The following MARCHF1 variants were observed in gnomAD, a reference collection of about 807,000 sequenced individuals.
The protein encoded by MARCHF1 is E3 ubiquitin-protein ligase MARCHF1.
In MARCHF1, 40 loss-of-function variants were observed where a neutral mutation model predicts 54.2. The observed-to-expected ratio is 0.74, with a 90% CI of 0.57 to 0.96. The LOEUF (loss-of-function observed/expected upper bound fraction) is 0.96. MARCHF1 is among the 40% of genes least tolerant of loss of function. The pLI is 0.00. For missense variants in MARCHF1, 586 were observed against 656.5 expected, an observed-to-expected ratio of 0.89 and a Z score of 1.17; for synonymous variants, 236 against 236.3, an observed-to-expected ratio of 1.00 and a Z score of 0.01.
chr4:164,159,068 T>C (rs998072134), intron 1 of MARCHF1, among the ~76,000 whole-genome samples: 4 of 152,184 alleles, frequency 2.6e-5, no homozygotes, highest in African/African-American at 9.6e-5. Flanking sequence ...TAGACAAACT[T>C]TTCTATTTCA....
intron 3 of MARCHF1, among the ~76,000 whole-genome samples, chr4:163,886,160 AATAG>A (rs1750527461): frequency 6.7e-6 from 1 of 149,958 alleles, no homozygotes. Flanking sequence ...TAGATCTATA[AATAG>A]ATCTATATAT....
chr4:164,018,537 C>T (rs1753594347), intron 2 of MARCHF1, among the ~76,000 whole-genome samples: 1 of 151,902 alleles, frequency 6.6e-6, no homozygotes, highest in African/African-American at 2.4e-5. Flanking sequence ...ATGAATGTTT[C>T]ATCAAAGAAG....
At chr4:164,146,556 A>C (rs1402790094) in intron 1 of MARCHF1, among the ~76,000 whole-genome samples, 2 of 152,088 alleles carry the variant, frequency 1.3e-5, no homozygotes, top group African/African-American at 4.8e-5. Flanking sequence ...AAACCTGAGA[A>C]AAACAAGCAA....
At chr4:163,926,155 C>T (rs890008639) in intron 3 of MARCHF1, among the ~76,000 whole-genome samples, 36 of 151,590 alleles carry the variant, frequency 2.4e-4, no homozygotes, top group Admixed American at 1.3e-4. Context: ...CAGTTAACAA[C>T]CTCCTTTGTC....
At chr4:164,184,212 C>T (rs182581134) in intron 1 of MARCHF1, among the ~76,000 whole-genome samples, 4 of 152,206 alleles carry the variant, frequency 2.6e-5, no homozygotes, top group South Asian at 2.1e-4. Context: ...AACTTTTTCC[C>T]GATATAATTC....
At chr4:164,335,543 C>G (rs1729711149) in intron 1 of MARCHF1, among the ~76,000 whole-genome samples, 1 of 150,892 alleles carries the variant, frequency 6.6e-6, no homozygotes, top group African/African-American at 2.4e-5. Flanking sequence ...GATTGTGCCA[C>G]TGCACTCCAG....
intron 2 of MARCHF1, among the ~76,000 whole-genome samples, chr4:164,052,708 GA>G (rs1338189942): frequency 6.6e-6 from 1 of 152,156 alleles, no homozygotes; most frequent in Non-Finnish European, 1.5e-5. Context: ...AAGAAGAACT[GA>G]TGCAATTTGA....
intron 1 of MARCHF1, among the ~76,000 whole-genome samples, chr4:164,161,003 C>A (rs1254360585): frequency 1.3e-5 from 2 of 152,060 alleles, no homozygotes. Flanking sequence ...CTTTGGCTGA[C>A]AAGGTATATT....
At chr4:163,617,085 C>A (rs1360922541) in intron 5 of MARCHF1, among the ~76,000 whole-genome samples, 1 of 152,130 alleles carries the variant, frequency 6.6e-6, no homozygotes, top group South Asian at 2.1e-4. Flanking sequence ...TAAAAACGAA[C>A]AAAATCATGT....
intron 1 of MARCHF1, among the ~76,000 whole-genome samples, chr4:164,347,730 C>A (rs1053603331): frequency 6.6e-6 from 1 of 152,026 alleles, no homozygotes; most frequent in African/African-American, 2.4e-5. Flanking sequence ...TTTGTGAGTT[C>A]TGCAGTTACT....
intron 4 of MARCHF1, among the ~76,000 whole-genome samples, chr4:163,771,368 G>T (rs1747156183): frequency 1.3e-5 from 2 of 152,176 alleles, no homozygotes; most frequent in Non-Finnish European, 2.9e-5. Flanking sequence ...AGCTGTTTTA[G>T]TCCATTCAGG....
intron 4 of MARCHF1, among the ~76,000 whole-genome samples, chr4:163,814,366 C>T (rs541196888): frequency 1.3e-5 from 2 of 152,138 alleles, no homozygotes; most frequent in Non-Finnish European, 2.9e-5. Flanking sequence ...CCCCCATGAC[C>T]TGGTGTTGGG....
chr4:163,953,316 A>G (rs1010823986), intron 3 of MARCHF1, among the ~76,000 whole-genome samples: 1 of 152,120 alleles, frequency 6.6e-6, no homozygotes, highest in African/African-American at 2.4e-5. Context: ...ATTTCTACCC[A>G]CTTTCTTGCT....
chr4:163,903,907 C>T (rs921032471), intron 3 of MARCHF1, among the ~76,000 whole-genome samples: 4 of 152,100 alleles, frequency 2.6e-5, no homozygotes, highest in East Asian at 1.9e-4. Context: ...TGAGCCACCT[C>T]GCCTGGCCAT....
chr4:163,882,776 C>T (rs1750445073), intron 3 of MARCHF1, among the ~76,000 whole-genome samples: 1 of 151,946 alleles, frequency 6.6e-6, no homozygotes, highest in Non-Finnish European at 1.5e-5. Context: ...CGAGACTAGC[C>T]TGGGCAACAT....
At chr4:164,345,868 T>C (rs539414791) in intron 1 of MARCHF1, among the ~76,000 whole-genome samples, 1 of 152,214 alleles carries the variant, frequency 6.6e-6, no homozygotes, top group East Asian at 1.9e-4. Flanking sequence ...TCATAATGCA[T>C]TGTAAATATT....
intron 2 of MARCHF1, among the ~76,000 whole-genome samples, chr4:164,045,244 G>A (rs933851799): frequency 6.6e-6 from 1 of 152,064 alleles, no homozygotes; most frequent in Non-Finnish European, 1.5e-5. Flanking sequence ...AGGCATGGTA[G>A]CTCACACCTG....
intron 3 of MARCHF1, among the ~76,000 whole-genome samples, chr4:163,978,968 G>A (rs556494064): frequency 6.6e-6 from 1 of 150,562 alleles, no homozygotes; most frequent in East Asian, 2.0e-4. Context: ...GGCCTCAAGT[G>A]ATCCTCACAT....
At chr4:164,157,233 C>T (rs537948212) in intron 1 of MARCHF1, among the ~76,000 whole-genome samples, 13 of 151,738 alleles carry the variant, frequency 8.6e-5, no homozygotes, top group Non-Finnish European at 1.2e-4. Context: ...ATAATTCATA[C>T]TTATAGTTTC....
Sources: gnomAD v4.1 joint callset for allele counts (sites outside exome capture counted in the v4.1 genomes callset) on GRCh38, gnomAD v4.1.1 for gene constraint, MANE v1.5 for transcripts, NCBI Gene and HGNC (gene_info 2026-07-23, HGNC 2026-07-21) for gene names.